The following FMN1 variants were observed in gnomAD, a reference collection of about 807,000 sequenced individuals.
FMN1 encodes formin-1.
A neutral mutation model predicts 132.4 loss-of-function variants in FMN1; 110 were observed. The ratio of observed to expected loss-of-function variants is 0.83; its 90% CI spans 0.71 to 0.97. The LOEUF (loss-of-function observed/expected upper bound fraction) is 0.97, where lower values mean the gene tolerates loss of function less well. FMN1 is among the 50% of genes least tolerant of loss of function. The pLI, the probability that FMN1 is intolerant of heterozygous loss-of-function variation, is 0.00. For missense variants in FMN1, 1,792 were observed against 1,705.3 expected, an observed-to-expected ratio of 1.05 and a Z score of -0.90; for synonymous variants, 722 against 651.7, an observed-to-expected ratio of 1.11 and a Z score of -1.64.
In FMN1 at chr15:33,024,065, T is replaced by C. The variant is rs114012751; in HGVS notation, c.2162-15990A>G. 7.6e-3 allele frequency among the ~76,000 whole-genome samples: 1,158 copies of C among 152,016 alleles called. 21 individuals are homozygous for C. Among genetic ancestry groups the C allele is most frequent in the African/African-American group, 0.027 (1,109 of 41,452 alleles). ...AAATCCTATAAATAAATAAAAAGGATAGCAACCATTAGAAAAATGAACAAA... is the reference window on the plus strand; with the variant it reads ...AAATCCTATAAATAAATAAAAAGGACAGCAACCATTAGAAAAATGAACAAA... On this transcript the variant is annotated intron_variant, in intron 6 of 20. Coordinates refer to ENST00000616417, the MANE Select transcript of FMN1 (RefSeq NM_001277313.2).
intron 5 of FMN1, among the ~76,000 whole-genome samples, chr15:33,065,591 TTA>T (rs1484937289): frequency 6.6e-6 from 1 of 152,232 alleles, no homozygotes; most frequent in Non-Finnish European, 1.5e-5. Flanking sequence ...CCAGTCATTT[TTA>T]TATGTGTTGA....
chr15:33,072,373 A>G (rs1384386185), intron 5 of FMN1, among the ~76,000 whole-genome samples: 3 of 152,198 alleles, frequency 2.0e-5, no homozygotes, highest in Non-Finnish European at 4.4e-5. Flanking sequence ...GGATTTGGGT[A>G]TATGGGTGAT....
At chr15:33,076,157 TC>T (rs1015646780) in intron 5 of FMN1, among the ~76,000 whole-genome samples, 3 of 152,136 alleles carry the variant, frequency 2.0e-5, no homozygotes, top group Admixed American at 6.5e-5. Flanking sequence ...GTACAGAATT[TC>T]CTGGGATGTG....
rs59331673 is a variant in FMN1, at chr15:32,791,444, C to T, written c.4130+7360G>A. On this transcript the variant is annotated intron_variant, in intron 19 of 20. Transcript: ENST00000616417. Reference sequence around the variant, plus strand: ...TAAAGTACCATCCATGGCTAATTATCTTTCCTTTATTTCATGAGCAATGGA... The same window carrying T: ...TAAAGTACCATCCATGGCTAATTATTTTTCCTTTATTTCATGAGCAATGGA... Among the ~76,000 whole-genome samples the T allele has an allele frequency of 0.016, 2,384 of 151,368 alleles. 130 individuals carry two copies. In the East Asian group the frequency reaches 0.17, roughly 11 times the overall value.
intron 4 of FMN1, among the ~76,000 whole-genome samples, chr15:33,124,135 C>T (rs764799507): frequency 2.0e-5 from 3 of 152,174 alleles, no homozygotes; most frequent in Non-Finnish European, 2.9e-5. Context: ...TGAGGATCAT[C>T]TCTAGATCCA....
chr15:32,968,830 AG>A lies in FMN1; in HGVS notation c.2870del (p.Pro957LeufsTer26). ...AAGAGCCAAGTCCAAAGAAGAGTCC[AG>A]GGGGAGGTGGGGGTGCAAGTCCTGG... ...PPPGLAPPPPPGLFFGLGSSS... is the reference protein window; with the variant it reads ...PPPGLAPPPPXGLFFGLGSSS... On this transcript the variant is annotated frameshift_variant, in exon 8 of 21. Coordinates refer to ENST00000616417, the MANE Select transcript of FMN1 (RefSeq NM_001277313.2). LOFTEE classifies it high-confidence loss of function. 8.7e-7 allele frequency: 1 copy of A among 1,145,190 alleles called. No individual in the cohort carries two copies. The highest frequency in any genetic ancestry group is 1.2e-6 in the Non-Finnish European group (1 of 810,494). 70.9% of individuals were successfully genotyped at this position (1,145,190 alleles called of 1,614,324 possible).
At chr15:33,004,200 A>C (rs2034279409) in intron 7 of FMN1, among the ~76,000 whole-genome samples, 1 of 152,202 alleles carries the variant, frequency 6.6e-6, no homozygotes, top group South Asian at 2.1e-4. Flanking sequence ...AATGGGATCT[A>C]ATTAAACTAA....
intron 10 of FMN1, among the ~76,000 whole-genome samples, chr15:32,919,911 A>C (rs2060779419): frequency 6.6e-6 from 1 of 152,234 alleles, no homozygotes; most frequent in South Asian, 2.1e-4. Context: ...GACTCTGAGC[A>C]CATAGCTGAC....
At chr15:33,079,315 C>CT (rs1464014179) in intron 5 of FMN1, among the ~76,000 whole-genome samples, 1 of 152,200 alleles carries the variant, frequency 6.6e-6, no homozygotes, top group Non-Finnish European at 1.5e-5. Context: ...GCTTTTTATT[C>CT]TTTTTATTTT....
intron 9 of FMN1, among the ~76,000 whole-genome samples, chr15:32,950,769 T>G (rs988862818): frequency 7.2e-5 from 11 of 152,074 alleles, no homozygotes; most frequent in African/African-American, 1.9e-4. Flanking sequence ...GACGAAATAA[T>G]CTATGCAACA....
intron 10 of FMN1, among the ~76,000 whole-genome samples, chr15:32,923,400 G>A (rs1277850585): frequency 6.6e-6 from 1 of 152,192 alleles, no homozygotes; most frequent in Non-Finnish European, 1.5e-5. Flanking sequence ...GTCAGTCAAT[G>A]ACTCCAAAGG....
chr15:33,162,042 C>T (rs1365011756), intron 3 of FMN1, among the ~76,000 whole-genome samples: 2 of 151,890 alleles, frequency 1.3e-5, no homozygotes, highest in Non-Finnish European at 2.9e-5. Context: ...GATAGGGTCT[C>T]GCTCTGTCAC....
rs11333611 is a variant in FMN1 at position 32,885,805 on chromosome 15, A to ATT, written c.3835+2365_3835+2366dup. ...CATTAGGTTAAGGTGTGTTAATACT[A>ATT]TTTTTTTTTTTTTTTAAAAGACTCT... is the stretch of plus-strand genomic sequence containing the variant. On this transcript the variant is annotated intron_variant, in intron 16 of 20. Coordinates refer to ENST00000616417, the MANE Select transcript of FMN1 (RefSeq NM_001277313.2). 2.6e-3 allele frequency among the ~76,000 whole-genome samples: 373 copies of ATT among 144,296 alleles called. 2 individuals carry two copies. The highest frequency in any genetic ancestry group is 9.0e-3 in the African/African-American group (357 of 39,720). 94.7% of individuals were successfully genotyped at this position (144,296 alleles called of 152,430 possible).
chr15:33,126,245 G>A (rs1475507245), intron 4 of FMN1, among the ~76,000 whole-genome samples: 1 of 152,148 alleles, frequency 6.6e-6, no homozygotes, highest in East Asian at 1.9e-4. Flanking sequence ...TTCAGAGAAG[G>A]AAGATGGGTG....
At chr15:32,899,804 AAACTCTTTATTCG>A (rs1201370179) in intron 14 of FMN1, 162 bp downstream of exon 14, 2 of 702,970 alleles carry the variant, frequency 2.8e-6, no homozygotes, top group African/African-American at 1.8e-5. Context: ...AAACCAAACA[AAACTCTTTATTCG>A]AAAGTGAAAA....
At chr15:33,064,774 T>G (rs1227274538) in intron 6 of FMN1, 183 bp downstream of exon 6, 6 of 438,972 alleles carry the variant, frequency 1.4e-5, no homozygotes, top group Non-Finnish European at 2.4e-5. Context: ...CTTTCATCTT[T>G]CAGAGGCTCG....
At position 33,165,681 on chromosome 15, in the gene FMN1, G is replaced by T. The variant is rs117209258; in HGVS notation, c.-131-10636C>A. ...GCTGGGATTACAGGTGTGAGCCACC[G>T]CACCTGGCCGGTTTTTCTTTTTAAC... On this transcript the variant is annotated intron_variant, in intron 3 of 20. Transcript: ENST00000616417. Among the ~76,000 whole-genome samples the T allele has an allele frequency of 9.0e-3, 1,364 of 152,178 alleles. 11 individuals carry two copies. The highest frequency in any genetic ancestry group is 0.013 in the Non-Finnish European group (915 of 68,010).
At chr15:32,903,934 A>AG (rs200613211) in intron 12 of FMN1, among the ~76,000 whole-genome samples, 2,509 of 152,230 alleles carry the variant, frequency 0.016, 71 homozygotes, top group African/African-American at 0.057. Flanking sequence ...GAAGAGTTGG[A>AG]GGGGGGAGAA....
At chr15:33,087,799 A>G (rs979549372) in intron 5 of FMN1, among the ~76,000 whole-genome samples, 1 of 118,128 alleles carries the variant, frequency 8.5e-6, no homozygotes, top group Non-Finnish European at 1.9e-5. Context: ...ATATATTTAC[A>G]TATATACATA....
Sources: allele counts gnomAD v4.1 joint callset (sites outside exome capture counted in the v4.1 genomes callset), GRCh38; gene constraint gnomAD v4.1.1; transcripts MANE v1.5; gene names NCBI Gene and HGNC (gene_info 2026-07-23, HGNC 2026-07-21).